AFF2: variants seen among roughly 807,000 people sequenced by gnomAD.
The protein encoded by AFF2 is AF4/FMR2 family member 2.
Under a neutral mutation model 76.9 loss-of-function variants are expected in AFF2, and 14 were observed. The ratio of observed to expected loss-of-function variants is 0.18; its 90% CI spans 0.12 to 0.28. AFF2 has a LOEUF of 0.28. Ranked by LOEUF, AFF2 falls within the 10% of genes least tolerant of loss-of-function variation. The pLI is 1.00. For missense variants in AFF2, 868 were observed against 1,001.1 expected (o/e 0.87, Z 1.79); for synonymous variants, 398 against 366.7 (o/e 1.09, Z -0.98).
intron 4 of AFF2, among the ~76,000 whole-genome samples, chrX:148,822,899 TA>T (rs1557272663): frequency 9.0e-6 from 1 of 111,433 alleles, no homozygotes. Context: ...AAGGCCAATC[TA>T]AAACCAAGGT....
chrX:148,707,494 T>C (rs1383818697), intron 3 of AFF2, among the ~76,000 whole-genome samples: 2 of 110,386 alleles, frequency 1.8e-5, no homozygotes, highest in African/African-American at 6.6e-5. Context: ...ATAATATATA[T>C]ATTTTTTTTC....
chrX:148,617,036 G>A (rs1402257802), intron 1 of AFF2, among the ~76,000 whole-genome samples: 6 of 111,479 alleles, frequency 5.4e-5, no homozygotes, highest in African/African-American at 9.8e-5. Context: ...ATAAACATAC[G>A]TGTGCATGTG....
chrX:148,540,756 A>C (rs1192176833), intron 1 of AFF2, among the ~76,000 whole-genome samples: 1 of 111,827 alleles, frequency 8.9e-6, no homozygotes, highest in Non-Finnish European at 1.9e-5. Context: ...CCTGACTTCC[A>C]GAAGTAGCTT....
intron 3 of AFF2, among the ~76,000 whole-genome samples, chrX:148,794,406 G>A (rs1489821044): frequency 8.9e-6 from 1 of 111,744 alleles, no homozygotes; most frequent in Admixed American, 9.5e-5. Context: ...ATTCCCTTCA[G>A]TTGGGTGAAA....
chrX:148,884,769 G>A (rs1227324206), intron 7 of AFF2, among the ~76,000 whole-genome samples: 1 of 112,371 alleles, frequency 8.9e-6, no homozygotes, highest in Non-Finnish European at 1.9e-5. Context: ...TCCAGCTGGA[G>A]CTGAGGGTTG....
chrX:148,819,707 T>C (rs2070306014), intron 4 of AFF2, among the ~76,000 whole-genome samples: 1 of 111,747 alleles, frequency 8.9e-6, no homozygotes, highest in African/African-American at 3.2e-5. Flanking sequence ...TGGATTATTA[T>C]TTTGCTGTCA....
chrX:148,919,087 C>T (rs1164030285), intron 9 of AFF2, among the ~76,000 whole-genome samples: 1 of 111,765 alleles, frequency 8.9e-6, no homozygotes, highest in Admixed American at 9.5e-5. Flanking sequence ...TCTATGCTGA[C>T]TCATTGGTAC....
intron 3 of AFF2, among the ~76,000 whole-genome samples, chrX:148,724,322 A>G (rs781810891): frequency 7.2e-5 from 8 of 111,040 alleles, no homozygotes; most frequent in Non-Finnish European, 1.3e-4. Flanking sequence ...TTTGGAGTCT[A>G]ACACCCAATG....
At chrX:148,978,227 A>G in intron 17 of AFF2, 135 bp from the exon 18 acceptor site, 1 of 528,379 alleles carries the variant, frequency 1.9e-6, no homozygotes, top group Non-Finnish European at 3.2e-6. Flanking sequence ...CCTCTTTAGA[A>G]TTTCTTTATT....
rs185905310 is a variant in AFF2 at position 148,593,647 on chromosome X, C to T, written c.48-58352C>T. ...GTACTGTGGACTTGGGAAAAATCAT[C>T]TAACGTTTCTGTACCTCAGGATCTT... On this transcript the variant is annotated intron_variant, in intron 1 of 20. Coordinates refer to ENST00000370460, the MANE Select transcript of AFF2 (RefSeq NM_002025.4). 3.1e-3 allele frequency among the ~76,000 whole-genome samples: 347 copies of T among 112,158 alleles called. 1 individual carries two copies. The highest frequency in any genetic ancestry group is 6.2e-3 in the Admixed American group (66 of 10,616).
intron 3 of AFF2, among the ~76,000 whole-genome samples, chrX:148,806,312 G>C (rs1557271337): frequency 8.9e-6 from 1 of 112,190 alleles, no homozygotes; most frequent in East Asian, 2.8e-4. Context: ...ATCTCCGCAG[G>C]GGGCTCAGTG....
chrX:148,622,210 A>T (rs1447346692), intron 1 of AFF2, among the ~76,000 whole-genome samples: 1 of 112,035 alleles, frequency 8.9e-6, no homozygotes, highest in Non-Finnish European at 1.9e-5. Flanking sequence ...GAGCTGTAGT[A>T]GTCAGGGTCC....
intron 9 of AFF2, among the ~76,000 whole-genome samples, chrX:148,909,237 T>C (rs1410145648): frequency 8.9e-6 from 1 of 112,130 alleles, no homozygotes; most frequent in Non-Finnish European, 1.9e-5. Flanking sequence ...TGACAGGGCA[T>C]TGATGCCTCA....
chrX:148,800,768 C>T (rs1398701217), intron 3 of AFF2, among the ~76,000 whole-genome samples: 5 of 111,719 alleles, frequency 4.5e-5, no homozygotes, highest in African/African-American at 1.3e-4. Flanking sequence ...ATTTGAAGAA[C>T]TTGTCAGTCC....
intron 1 of AFF2, among the ~76,000 whole-genome samples, chrX:148,604,602 A>G (rs1265319784): frequency 8.9e-6 from 1 of 112,272 alleles, no homozygotes; most frequent in Non-Finnish European, 1.9e-5. Flanking sequence ...GATTTAAAAA[A>G]AAGGAAAATA....
At chrX:148,588,290 T>C (rs1297846241) in intron 1 of AFF2, among the ~76,000 whole-genome samples, 1 of 112,925 alleles carries the variant, frequency 8.9e-6, no homozygotes, top group Non-Finnish European at 1.9e-5. Context: ...GTGACGTGTG[T>C]GAGTAGTGCC....
At chrX:148,971,747 C>CTTTTTTTT (rs781928514) in intron 15 of AFF2, among the ~76,000 whole-genome samples, 1 of 44,731 alleles carries the variant, frequency 2.2e-5, no homozygotes, top group Non-Finnish European at 3.8e-5. Context: ...TTTTCTATTT[C>CTTTTTTTT]TTTTTTTTTT....
chrX:148,869,925 G>A (rs782727487), intron 7 of AFF2, among the ~76,000 whole-genome samples: 2 of 111,073 alleles, frequency 1.8e-5, no homozygotes, highest in South Asian at 7.7e-4. Context: ...CAGTCATATC[G>A]GATTAGGGAT....
At chrX:148,671,995 C>T (rs1469090996) in intron 3 of AFF2, among the ~76,000 whole-genome samples, 1 of 111,470 alleles carries the variant, frequency 9.0e-6, no homozygotes, top group Admixed American at 9.5e-5. Context: ...ATCTTGTTAT[C>T]ACTGGATATA....
Sources: gnomAD v4.1 joint callset for allele counts (sites outside exome capture counted in the v4.1 genomes callset) on GRCh38, gnomAD v4.1.1 for gene constraint, MANE v1.5 for transcripts, NCBI Gene and HGNC (gene_info 2026-07-23, HGNC 2026-07-21) for gene names.